Variants in PCDH15 observed in about 807,000 individuals in gnomAD.
The protein encoded by PCDH15 is protocadherin related 15, also known as protocadherin-15.
Under a neutral mutation model 178.5 loss-of-function variants are expected in PCDH15, and 129 were observed. That is an observed-to-expected ratio of 0.72 (90% CI 0.63 to 0.84). The LOEUF is 0.84. Ranked by LOEUF, PCDH15 falls within the 40% of genes least tolerant of loss-of-function variation. The probability of loss-of-function intolerance (pLI) is 0.00; values close to 1 mark genes in which losing one functional copy is unlikely to be tolerated. For synonymous variants in PCDH15, 800 were observed against 732.0 expected (o/e 1.09, Z -1.50); for missense variants, 2,230 against 2,099.9 (o/e 1.06, Z -1.21).
At chr10:55,007,545 G>C (rs1373959058) in intron 2 of PCDH15, among the ~76,000 whole-genome samples, 1 of 151,632 alleles carries the variant, frequency 6.6e-6, no homozygotes, top group Non-Finnish European at 1.5e-5. Flanking sequence ...TATCTAGAGG[G>C]TAGGTAGTAA....
intron 2 of PCDH15, among the ~76,000 whole-genome samples, chr10:55,595,882 T>C (rs1345991526): frequency 6.6e-6 from 1 of 152,118 alleles, no homozygotes; most frequent in Admixed American, 6.6e-5. Context: ...ATGAAATAAG[T>C]AAGCTCAGTC....
At chr10:54,128,728 T>A (rs1564487361) in intron 15 of PCDH15, among the ~76,000 whole-genome samples, 1 of 152,188 alleles carries the variant, frequency 6.6e-6, no homozygotes, top group African/African-American at 2.4e-5. Flanking sequence ...GAGAAATGAA[T>A]AACTTTTGCT....
At chr10:55,101,555 A>T (rs566989337) in intron 2 of PCDH15, among the ~76,000 whole-genome samples, 1 of 151,908 alleles carries the variant, frequency 6.6e-6, no homozygotes, top group South Asian at 2.1e-4. Context: ...ATTTTCGACT[A>T]CTTAAATTTG....
At chr10:54,628,269 C>A (rs1413556732) in intron 2 of PCDH15, among the ~76,000 whole-genome samples, 1 of 152,148 alleles carries the variant, frequency 6.6e-6, no homozygotes, top group Non-Finnish European at 1.5e-5. Flanking sequence ...AGATGTAGGT[C>A]CCCTGTTGGC....
intron 8 of PCDH15, among the ~76,000 whole-genome samples, chr10:54,285,529 C>G (rs969866858): frequency 1.3e-5 from 2 of 152,082 alleles, no homozygotes; most frequent in African/African-American, 4.8e-5. Flanking sequence ...ACAATATCAT[C>G]TCATCCCAAT....
chr10:54,855,464 A>C (rs10825408), intron 3 of PCDH15, among the ~76,000 whole-genome samples: 1 of 151,974 alleles, frequency 6.6e-6, no homozygotes, highest in Admixed American at 6.6e-5. Context: ...TTTAGAGTAA[A>C]AGATTATGGA....
At chr10:55,028,518 C>T (rs898200633) in intron 2 of PCDH15, among the ~76,000 whole-genome samples, 4 of 151,882 alleles carry the variant, frequency 2.6e-5, no homozygotes, top group Admixed American at 6.6e-5. Context: ...AATAACATAT[C>T]GTGACTTTAT....
At chr10:54,350,692 G>A (rs1944034048) in intron 5 of PCDH15, among the ~76,000 whole-genome samples, 2 of 152,222 alleles carry the variant, frequency 1.3e-5, no homozygotes, top group Admixed American at 6.5e-5. Flanking sequence ...TTAAAAAATA[G>A]TAGATCCTGG....
intron 8 of PCDH15, among the ~76,000 whole-genome samples, chr10:54,287,284 G>C (rs555372243): frequency 1.6e-4 from 25 of 152,184 alleles, no homozygotes; most frequent in African/African-American, 6.0e-4. Flanking sequence ...ACAATAATGA[G>C]GCTTCTCTCT....
intron 14 of PCDH15, among the ~76,000 whole-genome samples, chr10:54,141,695 A>G (rs1373403235): frequency 6.0e-5 from 9 of 149,976 alleles, no homozygotes; most frequent in Admixed American, 4.6e-4. Context: ...TGCTTTAAAA[A>G]TTGTGACACT....
At chr10:55,535,702 G>A (rs1841562443) in intron 2 of PCDH15, among the ~76,000 whole-genome samples, 1 of 152,032 alleles carries the variant, frequency 6.6e-6, no homozygotes, top group South Asian at 2.1e-4. Flanking sequence ...ATACTCCTTA[G>A]TAGGACTATT....
At chr10:55,524,043 G>C (rs1270113992) in intron 2 of PCDH15, among the ~76,000 whole-genome samples, 1 of 148,090 alleles carries the variant, frequency 6.8e-6, no homozygotes, top group Non-Finnish European at 1.5e-5. Flanking sequence ...CTGAAAACTG[G>C]CGTACATGTA....
chr10:55,354,871 G>A (rs990963261), intron 2 of PCDH15, among the ~76,000 whole-genome samples: 4 of 151,856 alleles, frequency 2.6e-5, no homozygotes, highest in Middle Eastern at 3.4e-3. Context: ...ATTCTATCAC[G>A]GAAAAAATCA....
At chr10:54,665,911 A>G (rs1376417630) in intron 1 of PCDH15, among the ~76,000 whole-genome samples, 1 of 152,036 alleles carries the variant, frequency 6.6e-6, no homozygotes, top group African/African-American at 2.4e-5. Flanking sequence ...AATAAAATTG[A>G]CCAATGCTAC....
intron 2 of PCDH15, among the ~76,000 whole-genome samples, chr10:55,615,027 T>A (rs886909066): frequency 2.6e-5 from 4 of 152,144 alleles, no homozygotes; most frequent in African/African-American, 9.7e-5. Context: ...CAGTAAATGG[T>A]CATTAGATAT....
chr10:54,522,325 C>T (rs1162710024), intron 3 of PCDH15, among the ~76,000 whole-genome samples: 1 of 152,062 alleles, frequency 6.6e-6, no homozygotes, highest in East Asian at 1.9e-4. Flanking sequence ...CAATCAACAT[C>T]CATCTTCTCT....
chr10:54,466,614 G>T (rs1261205751), intron 3 of PCDH15, among the ~76,000 whole-genome samples: 2 of 151,870 alleles, frequency 1.3e-5, no homozygotes, highest in Non-Finnish European at 2.9e-5. Flanking sequence ...GTAGTGTGGT[G>T]ACTCCAGTTT....
intron 1 of PCDH15, among the ~76,000 whole-genome samples, chr10:55,233,609 T>TC (rs938187399): frequency 4.6e-5 from 7 of 152,028 alleles, no homozygotes; most frequent in African/African-American, 1.7e-4. Flanking sequence ...ACCATTTTTT[T>TC]CTCCTAACAA....
In PCDH15 at chr10:53,942,595, C is replaced by T. The variant is rs946089005; in HGVS notation, c.3123-1620G>A. Among the ~76,000 whole-genome samples, 6 of 152,300 alleles carry T rather than the reference C, an allele frequency of 3.9e-5. 1 individual carries two copies. The highest frequency in any genetic ancestry group is 4.1e-4 in the South Asian group (2 of 4,824). On this transcript the variant is annotated intron_variant, in intron 23 of 37. Coordinates refer to ENST00000644397, the MANE Select transcript of PCDH15 (RefSeq NM_001384140.1). ...AAGTAAGCTGCCATATGGAGCAGTC[C>T]TCGTGGCAAGAAACTCAAGGTGATG...
Sources: gnomAD v4.1 joint callset for allele counts (sites outside exome capture counted in the v4.1 genomes callset) on GRCh38, gnomAD v4.1.1 for gene constraint, MANE v1.5 for transcripts, NCBI Gene and HGNC (gene_info 2026-07-23, HGNC 2026-07-21) for gene names.